POLN: variants seen among roughly 807,000 people sequenced by gnomAD.
The protein encoded by POLN is DNA polymerase N.
POLN carries 108 observed loss-of-function variants against 113.5 expected under a neutral mutation model. The observed-to-expected ratio is 0.95, with a 90% CI of 0.81 to 1.12. The LOEUF is 1.12. POLN is among the 50% of genes most tolerant of loss of function. The pLI is 0.00. For missense variants in POLN, 1,097 were observed against 1,077.1 expected, an observed-to-expected ratio of 1.02 and a Z score of -0.26; for synonymous variants, 386 against 391.5, an observed-to-expected ratio of 0.99 and a Z score of 0.17.
intron 7 of POLN, among the ~76,000 whole-genome samples, chr4:2,186,424 T>C (rs1733274635): frequency 6.6e-6 from 1 of 152,144 alleles, no homozygotes; most frequent in Non-Finnish European, 1.5e-5. Flanking sequence ...ACAGGTCCCC[T>C]GGGCATGAAC....
chr4:2,216,203 C>T (rs1306957714), intron 3 of POLN, among the ~76,000 whole-genome samples: 1 of 152,256 alleles, frequency 6.6e-6, no homozygotes, highest in African/African-American at 2.4e-5. Context: ...GACCAGACAG[C>T]AGCCACAGCT....
intron 23 of POLN, chr4:2,080,049 G>A (rs1039454669): frequency 1.0e-6 from 1 of 985,378 alleles, no homozygotes; most frequent in Non-Finnish European, 1.2e-6. Flanking sequence ...TCTTAGGGTG[G>A]GGGTGGGAAA....
intron 16 of POLN, among the ~76,000 whole-genome samples, chr4:2,147,967 G>A (rs943191718): frequency 6.6e-6 from 1 of 152,008 alleles, no homozygotes; most frequent in African/African-American, 2.4e-5. Flanking sequence ...ATACACACTT[G>A]GTGCCTACTG....
chr4:2,151,502 C>T (rs995695991), intron 16 of POLN, among the ~76,000 whole-genome samples: 1 of 152,202 alleles, frequency 6.6e-6, no homozygotes, highest in Non-Finnish European at 1.5e-5. Context: ...CATGTAAGGA[C>T]GTGCAGTCAA....
rs1379263142 is a variant in POLN, at chr4:2,179,382, C to T, written c.1105G>A (p.Val369Ile). 5 of 1,613,082 alleles carry T rather than the reference C, an allele frequency of 3.1e-6. No homozygotes were observed. Among genetic ancestry groups the T allele is most frequent in the Non-Finnish European group, 4.2e-6 (5 of 1,179,162 alleles). Residue 369 changes from valine (V) to isoleucine (I), a missense_variant, in exon 8 of 26, where the codon GTA becomes ATA. Val to Ile is a conservative substitution (Grantham distance 29, BLOSUM62 3). Coordinates refer to ENST00000511885, the MANE Select transcript of POLN (RefSeq NM_181808.4). ...ATGGATTTTTCACAGTATTTTTCTA[C>T]TAAATCTTCAAAAGAGGGTGTGGCA... The part of the protein sequence containing the change: ...SDATPSFEDL[V>I]EKYCEKSITV...
chr4:2,073,995 G>A (rs560832412), intron 24 of POLN, among the ~76,000 whole-genome samples: 1 of 152,366 alleles, frequency 6.6e-6, no homozygotes, highest in South Asian at 2.1e-4. Flanking sequence ...GGCCCCCCTG[G>A]GGACCTTCTT....
chr4:2,236,406 G>C (rs1734767634), intron 2 of POLN: 1 of 1,613,600 alleles, frequency 6.2e-7, no homozygotes, highest in Non-Finnish European at 8.5e-7. Context: ...GTTTCCATGA[G>C]TTAGAAACAA....
At chr4:2,191,504 T>C (rs1320459975) in intron 7 of POLN, among the ~76,000 whole-genome samples, 2 of 152,160 alleles carry the variant, frequency 1.3e-5, no homozygotes, top group African/African-American at 2.4e-5. Context: ...ATATTCCCAG[T>C]ATAAAGAAAA....
intron 7 of POLN, among the ~76,000 whole-genome samples, chr4:2,191,353 G>C (rs1560088476): frequency 6.6e-6 from 1 of 150,908 alleles, no homozygotes; most frequent in Non-Finnish European, 1.5e-5. Context: ...CGGTGGGTGG[G>C]ATTAAGAGTA....
intron 19 of POLN, among the ~76,000 whole-genome samples, chr4:2,112,023 G>A (rs1731206896): frequency 1.3e-5 from 2 of 152,240 alleles, no homozygotes; most frequent in African/African-American, 4.8e-5. Flanking sequence ...GCATGGTACT[G>A]GTACCAAAAC....
chr4:2,234,377 G>C (rs1734684302), intron 2 of POLN: 2 of 152,582 alleles, frequency 1.3e-5, no homozygotes, highest in African/African-American at 4.8e-5. Flanking sequence ...CTCCAAGACG[G>C]CAATGACTGC....
intron 3 of POLN, among the ~76,000 whole-genome samples, chr4:2,213,974 G>A (rs1734054028): frequency 6.6e-6 from 1 of 152,184 alleles, no homozygotes; most frequent in South Asian, 2.1e-4. Context: ...GGTGACTCAC[G>A]CCTGTGATCC....
chr4:2,163,850 G>T (rs529763035), intron 13 of POLN, among the ~76,000 whole-genome samples: 10 of 152,172 alleles, frequency 6.6e-5, no homozygotes, highest in African/African-American at 2.4e-4. Flanking sequence ...CTTGAGCCCC[G>T]TCCCACAGGC....
In POLN at chr4:2,072,090, C is replaced by T; in HGVS notation, c.*24G>A. The T allele has an allele frequency of 1.2e-6, 2 of 1,612,076 alleles. No individual in the cohort carries two copies. Among genetic ancestry groups the T allele is most frequent in the Non-Finnish European group, 1.7e-6 (2 of 1,179,120 alleles). The stretch of plus-strand genomic sequence containing the variant: ...CACAATGGACTGCTGGAAACCAGTT[C>T]TCTCCTCCCACTGTTGCCTGGGGCT... On this transcript the variant is annotated 3_prime_UTR_variant, in exon 26 of 26. Transcript: ENST00000511885.
At chr4:2,129,075 A>AG (rs1561018744) in intron 18 of POLN, 104 bp downstream of exon 18, 8 of 802,614 alleles carry the variant, frequency 1.0e-5, no homozygotes, top group Non-Finnish European at 1.5e-5. Context: ...AAAAAAAAAA[A>AG]AGAATTTATT....
At chr4:2,163,850 G>A (rs529763035) in intron 13 of POLN, among the ~76,000 whole-genome samples, 5 of 152,290 alleles carry the variant, frequency 3.3e-5, no homozygotes, top group East Asian at 1.9e-4. Flanking sequence ...CTTGAGCCCC[G>A]TCCCACAGGC....
In POLN at chr4:2,208,068, C is replaced by A; in HGVS notation, c.633G>T (p.Leu211=). 2 of 1,614,188 alleles carry A rather than the reference C, an allele frequency of 1.2e-6. No individual in the cohort carries two copies. Residue 211 remains leucine, a synonymous_variant, in exon 5 of 26, where the codon CTG becomes CTT. Transcript: ENST00000511885. ...CTGCTGCCTGTTTGAGCATTTCAATCAGCTGGCTTTTTGCCCAATCATCCA... is the reference window on the plus strand; with the variant it reads ...CTGCTGCCTGTTTGAGCATTTCAATAAGCTGGCTTTTTGCCCAATCATCCA... ...RHLDDWAKSQ[L]IEMLKQAAAL...
intron 16 of POLN, among the ~76,000 whole-genome samples, chr4:2,136,849 G>A (rs1731869973): frequency 2.0e-5 from 3 of 152,236 alleles, no homozygotes; most frequent in Non-Finnish European, 4.4e-5. Flanking sequence ...TTAATGTGTT[G>A]ACTATGTCCT....
chr4:2,113,058 A>G (rs1398109943), intron 19 of POLN, among the ~76,000 whole-genome samples: 1 of 152,074 alleles, frequency 6.6e-6, no homozygotes, highest in Admixed American at 6.5e-5. Context: ...ATGCAGCCGT[A>G]AAAAATGATG....
Sources: allele counts gnomAD v4.1 joint callset (sites outside exome capture counted in the v4.1 genomes callset), GRCh38; gene constraint gnomAD v4.1.1; transcripts MANE v1.5; gene names NCBI Gene and HGNC (gene_info 2026-07-23, HGNC 2026-07-21).